Variants in ESRRG observed in about 807,000 individuals in gnomAD.
ESRRG encodes the protein estrogen related receptor gamma.
A neutral mutation model predicts 44.0 loss-of-function variants in ESRRG; 13 were observed. The ratio of observed to expected loss-of-function variants is 0.30; its 90% CI spans 0.19 to 0.47. The LOEUF (loss-of-function observed/expected upper bound fraction) is 0.47. Among genes scored for constraint, ESRRG ranks in the 20% least tolerant of loss-of-function variants. The pLI is 1.00. For synonymous variants in ESRRG, 215 were observed against 214.6 expected, an observed-to-expected ratio of 1.00 and a Z score of -0.02; for missense variants, 395 against 580.6, an observed-to-expected ratio of 0.68 and a Z score of 3.29.
At chr1:216,586,384 T>C (rs902698339) in intron 3 of ESRRG, among the ~76,000 whole-genome samples, 18 of 152,216 alleles carry the variant, frequency 1.2e-4, no homozygotes, top group African/African-American at 3.9e-4. Flanking sequence ...TAATAGTTAA[T>C]GTTTTCTGTT....
intron 1 of ESRRG, among the ~76,000 whole-genome samples, chr1:217,134,773 C>A (rs2093025752): frequency 6.6e-6 from 1 of 152,236 alleles, no homozygotes; most frequent in Non-Finnish European, 1.5e-5. Flanking sequence ...CTGCTGTGGT[C>A]CCGTCCCCTT....
exon 1 of ESRRG, chr1:217,137,692 C>G (rs2093068195): frequency 6.5e-6 from 1 of 152,878 alleles, no homozygotes; most frequent in East Asian, 1.9e-4. Flanking sequence ...GCTCCAATTG[C>G]TGACCCGTTT....
chr1:216,662,570 G>A (rs762661998), intron 2 of ESRRG, among the ~76,000 whole-genome samples: 5 of 151,944 alleles, frequency 3.3e-5, no homozygotes, highest in East Asian at 1.9e-4. Context: ...TAAGTGCCTC[G>A]CATCCCCCAG....
intron 1 of ESRRG, among the ~76,000 whole-genome samples, chr1:217,077,845 T>C (rs1273138869): frequency 2.0e-5 from 3 of 152,184 alleles, no homozygotes; most frequent in Admixed American, 1.3e-4. Flanking sequence ...CAATTACAAT[T>C]CCTAATAAAA....
chr1:216,887,200 A>G (rs921182248), intron 2 of ESRRG, among the ~76,000 whole-genome samples: 1 of 152,166 alleles, frequency 6.6e-6, no homozygotes, highest in South Asian at 2.1e-4. Flanking sequence ...GTTCTGGCCA[A>G]TTCAAAAGCC....
At chr1:216,882,792 G>T (rs2096464840) in intron 2 of ESRRG, among the ~76,000 whole-genome samples, 1 of 152,122 alleles carries the variant, frequency 6.6e-6, no homozygotes, top group Admixed American at 6.5e-5. Context: ...AATTGAAAAT[G>T]TATTCATTTT....
intron 2 of ESRRG, among the ~76,000 whole-genome samples, chr1:216,840,636 A>C (rs895902811): frequency 3.9e-5 from 6 of 152,138 alleles, no homozygotes; most frequent in Non-Finnish European, 7.3e-5. Context: ...TTTTGATTTC[A>C]AGTGAGAAGT....
chr1:216,687,869 T>C (rs1391288138), intron 1 of ESRRG, among the ~76,000 whole-genome samples: 2 of 152,196 alleles, frequency 1.3e-5, no homozygotes, highest in South Asian at 2.1e-4. Context: ...GTTTTGGTGA[T>C]TGCTTCTGGC....
At chr1:216,817,512 G>A (rs890925563) in intron 2 of ESRRG, among the ~76,000 whole-genome samples, 1 of 152,040 alleles carries the variant, frequency 6.6e-6, no homozygotes, top group Non-Finnish European at 1.5e-5. Context: ...ATATTATGTG[G>A]GCTGTGTGGA....
intron 5 of ESRRG, among the ~76,000 whole-genome samples, chr1:216,560,332 G>C (rs117118244): frequency 0.019 from 2,887 of 152,104 alleles, 86 homozygotes; most frequent in East Asian, 0.059. Context: ...AATTTGTCAC[G>C]TTAAAAATAA....
intron 1 of ESRRG, among the ~76,000 whole-genome samples, chr1:216,717,627 T>C (rs1016182022): frequency 4.6e-5 from 7 of 151,758 alleles, no homozygotes; most frequent in African/African-American, 1.7e-4. Context: ...AGAACAAGAA[T>C]TAGAATAGAA....
At chr1:216,569,950 G>A (rs1316079480) in intron 3 of ESRRG, among the ~76,000 whole-genome samples, 1 of 152,124 alleles carries the variant, frequency 6.6e-6, no homozygotes, top group Non-Finnish European at 1.5e-5. Flanking sequence ...ACCGATTAAT[G>A]TCACGCAGAA....
At chr1:216,588,034 T>C (rs1382333036) in intron 3 of ESRRG, among the ~76,000 whole-genome samples, 1 of 152,184 alleles carries the variant, frequency 6.6e-6, no homozygotes, top group Admixed American at 6.5e-5. Flanking sequence ...ATAAAATGTA[T>C]CACAGATAGT....
At chr1:216,851,063 C>A (rs1434962733) in intron 2 of ESRRG, among the ~76,000 whole-genome samples, 1 of 149,684 alleles carries the variant, frequency 6.7e-6, no homozygotes, top group Non-Finnish European at 1.5e-5. Context: ...CTTCCTCCAC[C>A]AACATGATAT....
intron 1 of ESRRG, among the ~76,000 whole-genome samples, chr1:216,710,418 T>C (rs2083356930): frequency 6.6e-6 from 1 of 152,182 alleles, no homozygotes; most frequent in African/African-American, 2.4e-5. Context: ...AAGGCTCCAA[T>C]GTCCCAAGTT....
At chr1:216,516,668 C>CAGAGAGAG (rs869054150) in intron 6 of ESRRG, among the ~76,000 whole-genome samples, 7 of 137,164 alleles carry the variant, frequency 5.1e-5, no homozygotes, top group Non-Finnish European at 9.2e-5. Context: ...CACACACACA[C>CAGAGAGAG]AGAGAGAGAG....
intron 3 of ESRRG, among the ~76,000 whole-genome samples, chr1:216,640,923 T>C (rs910769520): frequency 6.6e-6 from 1 of 152,202 alleles, no homozygotes; most frequent in Non-Finnish European, 1.5e-5. Context: ...CTTACCAGGC[T>C]GGCCTTCTAG....
intron 1 of ESRRG, among the ~76,000 whole-genome samples, chr1:216,993,543 G>C (rs1046347941): frequency 6.6e-6 from 1 of 152,198 alleles, no homozygotes; most frequent in Non-Finnish European, 1.5e-5. Context: ...CATCCCTGCA[G>C]TGTGAAAAAA....
At chr1:217,071,781 T>G (rs1361208134) in intron 1 of ESRRG, among the ~76,000 whole-genome samples, 1 of 152,152 alleles carries the variant, frequency 6.6e-6, no homozygotes, top group Non-Finnish European at 1.5e-5. Flanking sequence ...CAAAACAATC[T>G]GATGAAGTGG....
Sources: allele counts gnomAD v4.1 joint callset (sites outside exome capture counted in the v4.1 genomes callset), GRCh38; gene constraint gnomAD v4.1.1; transcripts MANE v1.5; gene names NCBI Gene and HGNC (gene_info 2026-07-23, HGNC 2026-07-21).